The following ZNF385D variants were observed in gnomAD, a reference collection of about 807,000 sequenced individuals.
ZNF385D encodes the protein zinc finger protein 385D.
ZNF385D carries 15 observed loss-of-function variants against 35.8 expected under a neutral mutation model. The observed-to-expected ratio is 0.42, with a 90% CI of 0.28 to 0.64. The LOEUF is 0.64. Ranked by LOEUF, ZNF385D falls within the 30% of genes least tolerant of loss-of-function variation. The pLI is 0.23. For missense variants in ZNF385D, 474 were observed against 494.6 expected (o/e 0.96, Z 0.39); for synonymous variants, 212 against 186.8 (o/e 1.13, Z -1.10).
intron 3 of ZNF385D, among the ~76,000 whole-genome samples, chr3:21,826,811 A>T (rs1429344331): frequency 9.0e-6 from 1 of 111,428 alleles, no homozygotes; most frequent in Non-Finnish European, 1.8e-5. Context: ...TTGATAAAGA[A>T]TCAGAAAATT....
intron 3 of ZNF385D, among the ~76,000 whole-genome samples, chr3:21,873,465 T>G (rs909874054): frequency 6.6e-6 from 1 of 152,164 alleles, no homozygotes; most frequent in Non-Finnish European, 1.5e-5. Context: ...TATTGCCATA[T>G]TTTCTCTTTC....
At chr3:22,037,282 A>C (rs77516928) in intron 3 of ZNF385D, among the ~76,000 whole-genome samples, 1 of 124,318 alleles carries the variant, frequency 8.0e-6, no homozygotes, top group East Asian at 2.8e-4. Context: ...CTGAGGAATC[A>C]CCACACTGTC....
intron 3 of ZNF385D, among the ~76,000 whole-genome samples, chr3:22,130,549 G>A (rs78720709): frequency 0.012 from 1,768 of 152,186 alleles, 32 homozygotes; most frequent in African/African-American, 0.039. Flanking sequence ...AATCTGCTCC[G>A]TGTTGCTTTC....
intron 3 of ZNF385D, among the ~76,000 whole-genome samples, chr3:22,033,545 TTATGAG>T (rs370603068): frequency 1.1e-4 from 16 of 151,986 alleles, no homozygotes; most frequent in African/African-American, 3.4e-4. Context: ...TTCACCGAAA[TTATGAG>T]TATGTCACAG....
At position 21,415,727 on chromosome 3, in the gene ZNF385D, T is replaced by C. The variant is rs559926665; in HGVS notation, c.*5487A>G. The C allele has an allele frequency of 2.5e-4, 38 of 152,124 alleles. No individual in the cohort carries two copies. The highest frequency in any genetic ancestry group is 4.4e-4 in the Non-Finnish European group (30 of 67,994). 9.4% of individuals were successfully genotyped at this position (152,124 alleles called of 1,614,324 possible). A position where few individuals can be genotyped will look rare whatever the true frequency, so the allele number is the denominator to read the frequency against. On this transcript the variant is annotated 3_prime_UTR_variant, in exon 8 of 8. Transcript: ENST00000281523. ...ATTGCCTTTAGAGATGACCTGCCAG[T>C]CTGAAAATAACATGACCCCATTATC...
At chr3:22,328,276 T>C (rs1694768512) in intron 2 of ZNF385D, among the ~76,000 whole-genome samples, 1 of 152,044 alleles carries the variant, frequency 6.6e-6, no homozygotes, top group African/African-American at 2.4e-5. Context: ...TTTTCTCCCC[T>C]TCTACAGTGA....
At chr3:22,118,404 A>G (rs6793553) in intron 3 of ZNF385D, among the ~76,000 whole-genome samples, 97,154 of 151,864 alleles carry the variant, frequency 0.64, 31,674 homozygotes, top group African/African-American at 0.75. Flanking sequence ...TCCAAGCATG[A>G]TGCTTAACAT....
upstream of ZNF385D, among the ~76,000 whole-genome samples, chr3:21,753,434 G>A (rs998790684): frequency 2.6e-5 from 4 of 152,098 alleles, no homozygotes; most frequent in Non-Finnish European, 2.9e-5. Context: ...GGAGCATCTG[G>A]TAATAGAACA....
At chr3:21,983,972 A>G (rs1436896138) in intron 3 of ZNF385D, among the ~76,000 whole-genome samples, 1 of 136,486 alleles carries the variant, frequency 7.3e-6, no homozygotes. Flanking sequence ...TCTTTTGAGA[A>G]GTGTCTGTTC....
chr3:21,956,406 G>A (rs1395773897), intron 3 of ZNF385D, among the ~76,000 whole-genome samples: 1 of 149,024 alleles, frequency 6.7e-6, no homozygotes, highest in Admixed American at 6.7e-5. Context: ...GAAGATAAAG[G>A]TATGTTTAAA....
rs1443155574 is a variant in ZNF385D at position 21,416,853 on chromosome 3, A to C, written c.*4361T>G. 1 of 152,130 alleles carries C rather than the reference A, an allele frequency of 6.6e-6. No homozygotes were observed. The highest frequency in any genetic ancestry group is 3.2e-3 in the Middle Eastern group (1 of 316). The allele number at this position is 152,130 out of a possible 1,614,324, so 9.4% of individuals were successfully genotyped here. ...TCCTATTGAAGAGAGAAAGTGCAAC[A>C]AAAGAAATAAGGATGATGCATTTAA... On this transcript the variant is annotated 3_prime_UTR_variant, in exon 8 of 8. Transcript: ENST00000281523.
intron 3 of ZNF385D, among the ~76,000 whole-genome samples, chr3:21,560,428 A>G (rs1185263047): frequency 1.3e-5 from 2 of 152,062 alleles, no homozygotes; most frequent in Non-Finnish European, 2.9e-5. Flanking sequence ...CAGGTTTGCT[A>G]GAGGTCCACT....
chr3:22,044,997 G>A (rs1569084), intron 3 of ZNF385D, among the ~76,000 whole-genome samples: 7,289 of 152,082 alleles, frequency 0.048, 239 homozygotes, highest in East Asian at 0.1. Flanking sequence ...TGGGCAACAA[G>A]AGCAAAACTC....
chr3:21,854,348 T>G (rs1191243068), intron 3 of ZNF385D, among the ~76,000 whole-genome samples: 1 of 151,926 alleles, frequency 6.6e-6, no homozygotes, highest in Non-Finnish European at 1.5e-5. Flanking sequence ...ACTTAAAGTA[T>G]CTCTTAAAAC....
At chr3:22,145,699 A>G (rs1341083274) in intron 3 of ZNF385D, among the ~76,000 whole-genome samples, 1 of 152,206 alleles carries the variant, frequency 6.6e-6, no homozygotes, top group African/African-American at 2.4e-5. Context: ...AATCAGACCT[A>G]ATCAGTACAT....
chr3:21,633,209 T>G (rs967062798), intron 2 of ZNF385D, among the ~76,000 whole-genome samples: 1 of 152,088 alleles, frequency 6.6e-6, no homozygotes, highest in Non-Finnish European at 1.5e-5. Context: ...ACTAAATTGT[T>G]AGAAGTGGAG....
intron 3 of ZNF385D, among the ~76,000 whole-genome samples, chr3:22,087,779 A>G (rs1383081): frequency 0.23 from 34,805 of 152,146 alleles, 4,303 homozygotes; most frequent in Non-Finnish European, 0.26. Flanking sequence ...TGATTTATTA[A>G]TAATGGGAAA....
intron 2 of ZNF385D, among the ~76,000 whole-genome samples, chr3:21,651,080 C>T (rs2065897280): frequency 6.6e-6 from 1 of 150,496 alleles, no homozygotes; most frequent in Admixed American, 6.6e-5. Context: ...GAGATCGAGA[C>T]CATCATGGCT....
intron 2 of ZNF385D, among the ~76,000 whole-genome samples, chr3:21,602,543 T>A (rs1289223035): frequency 9.1e-6 from 1 of 109,998 alleles, no homozygotes; most frequent in Non-Finnish European, 1.8e-5. Flanking sequence ...TTTTTTTTTT[T>A]GAGACGGAGT....
Sources: gnomAD v4.1 joint callset for allele counts (sites outside exome capture counted in the v4.1 genomes callset) on GRCh38, gnomAD v4.1.1 for gene constraint, MANE v1.5 for transcripts, NCBI Gene and HGNC (gene_info 2026-07-23, HGNC 2026-07-21) for gene names.